MDGA2: variants seen among roughly 807,000 people sequenced by gnomAD.
MDGA2 encodes the protein MAM domain containing glycosylphosphatidylinositol anchor 2.
MDGA2 carries 40 observed loss-of-function variants against 117.8 expected under a neutral mutation model. The ratio of observed to expected loss-of-function variants is 0.34; its 90% CI spans 0.26 to 0.44. The LOEUF is 0.44. MDGA2 is among the 20% of genes least tolerant of loss of function. The probability of loss-of-function intolerance (pLI) is 1.00; values close to 1 mark genes in which losing one functional copy is unlikely to be tolerated. For missense variants in MDGA2, 1,123 were observed against 1,250.6 expected, an observed-to-expected ratio of 0.90 and a Z score of 1.54; for synonymous variants, 452 against 439.0, an observed-to-expected ratio of 1.03 and a Z score of -0.37.
intron 16 of MDGA2, among the ~76,000 whole-genome samples, chr14:46,844,692 T>C (rs1880753113): frequency 1.3e-5 from 2 of 152,092 alleles, no homozygotes; most frequent in South Asian, 4.1e-4. Flanking sequence ...ACAAGTCTCA[T>C]CTTGAAATAT....
At chr14:47,183,937 GTCTC>G (rs1407831193) in intron 3 of MDGA2, among the ~76,000 whole-genome samples, 2 of 151,836 alleles carry the variant, frequency 1.3e-5, no homozygotes, top group Non-Finnish European at 2.9e-5. Context: ...AGTTCTTGAG[GTCTC>G]AACTTAGACA....
chr14:47,304,727 G>T (rs1277110130), intron 1 of MDGA2, among the ~76,000 whole-genome samples: 1 of 152,186 alleles, frequency 6.6e-6, no homozygotes, highest in East Asian at 1.9e-4. Context: ...CGCTGTGCAT[G>T]GGTGGCATTT....
At chr14:46,981,892 G>T (rs1326544143) in intron 8 of MDGA2, among the ~76,000 whole-genome samples, 2 of 152,178 alleles carry the variant, frequency 1.3e-5, no homozygotes, top group African/African-American at 4.8e-5. Context: ...CCACAGAGGT[G>T]AATGATTCTA....
intron 2 of MDGA2, among the ~76,000 whole-genome samples, chr14:47,300,985 C>T (rs903283189): frequency 6.6e-6 from 1 of 152,032 alleles, no homozygotes; most frequent in South Asian, 2.1e-4. Flanking sequence ...GTATGTGTGA[C>T]CTCATGCTTC....
chr14:47,032,167 T>C (rs186876950), intron 8 of MDGA2, among the ~76,000 whole-genome samples: 1 of 152,058 alleles, frequency 6.6e-6, no homozygotes, highest in African/African-American at 2.4e-5. Context: ...AAAATATATA[T>C]AGAGAGGTAT....
chr14:46,989,335 G>GAA (rs1886993239), intron 8 of MDGA2, among the ~76,000 whole-genome samples: 3 of 151,816 alleles, frequency 2.0e-5, no homozygotes, highest in Admixed American at 6.6e-5. Context: ...AAAAAAAAGG[G>GAA]GGGTATCCTT....
At chr14:47,568,622 G>C (rs924813008) in intron 1 of MDGA2, among the ~76,000 whole-genome samples, 1 of 152,100 alleles carries the variant, frequency 6.6e-6, no homozygotes, top group African/African-American at 2.4e-5. Flanking sequence ...ATTTTCTAAG[G>C]AGAATAAAGT....
chr14:46,909,969 G>C (rs1883636492), intron 10 of MDGA2, among the ~76,000 whole-genome samples: 1 of 151,958 alleles, frequency 6.6e-6, no homozygotes, highest in Admixed American at 6.6e-5. Context: ...TTCCTATTTT[G>C]TTTATAAATG....
chr14:47,547,558 A>G (rs576907828), intron 1 of MDGA2, among the ~76,000 whole-genome samples: 11 of 152,356 alleles, frequency 7.2e-5, no homozygotes, highest in African/African-American at 2.4e-4. Flanking sequence ...TAAGGGTGAC[A>G]GTCAGAGAAA....
intron 1 of MDGA2, among the ~76,000 whole-genome samples, chr14:47,442,439 T>C (rs1334968803): frequency 1.3e-5 from 2 of 152,062 alleles, no homozygotes; most frequent in African/African-American, 4.8e-5. Flanking sequence ...GGGATGCACA[T>C]GACCTGGTCA....
chr14:46,896,876 C>G (rs1292856492), intron 10 of MDGA2, among the ~76,000 whole-genome samples: 1 of 152,150 alleles, frequency 6.6e-6, no homozygotes, highest in South Asian at 2.1e-4. Flanking sequence ...TATTTCTGAG[C>G]ATCCCTCCAA....
intron 8 of MDGA2, among the ~76,000 whole-genome samples, chr14:47,007,373 G>C (rs1237536477): frequency 6.6e-6 from 1 of 151,726 alleles, no homozygotes; most frequent in Non-Finnish European, 1.5e-5. Context: ...TTCATGTTGG[G>C]TGTCCACCAT....
intron 2 of MDGA2, among the ~76,000 whole-genome samples, chr14:47,264,445 A>G (rs1161828459): frequency 6.6e-6 from 1 of 152,168 alleles, no homozygotes; most frequent in East Asian, 1.9e-4. Context: ...GGCATTACTC[A>G]AAAAGGATAC....
intron 1 of MDGA2, among the ~76,000 whole-genome samples, chr14:47,421,613 T>C (rs2002293): frequency 6.6e-6 from 1 of 151,878 alleles, no homozygotes; most frequent in Non-Finnish European, 1.5e-5. Flanking sequence ...TTGTATAATG[T>C]TGCATAAATA....
chr14:46,870,617 C>T (rs1267015758), intron 14 of MDGA2, among the ~76,000 whole-genome samples: 1 of 151,806 alleles, frequency 6.6e-6, no homozygotes, highest in African/African-American at 2.4e-5. Flanking sequence ...AGTAATAGAC[C>T]TGATACCCAG....
intron 1 of MDGA2, among the ~76,000 whole-genome samples, chr14:47,557,523 G>T (rs575876251): frequency 6.6e-6 from 1 of 152,176 alleles, no homozygotes; most frequent in Non-Finnish European, 1.5e-5. Context: ...AAGAACCAGA[G>T]AAAGTGAGAG....
chr14:46,918,638 G>A (rs965590039), intron 10 of MDGA2, among the ~76,000 whole-genome samples: 2 of 152,008 alleles, frequency 1.3e-5, no homozygotes, highest in African/African-American at 4.8e-5. Flanking sequence ...TCGGTAGCCT[G>A]TGTGCACTTA....
chr14:47,586,457 A>G (rs1370988988), intron 1 of MDGA2, among the ~76,000 whole-genome samples: 1 of 151,936 alleles, frequency 6.6e-6, no homozygotes, highest in African/African-American at 2.4e-5. Flanking sequence ...TAGAAAGCTT[A>G]GAATAAAATA....
chr14:47,110,562 T>C lies in MDGA2; in HGVS notation c.926-13439A>G, dbSNP rs551101184. Among the ~76,000 whole-genome samples, 55 of 152,324 alleles carry C rather than the reference T, an allele frequency of 3.6e-4. 1 individual carries two copies. The highest frequency in any genetic ancestry group is 8.5e-4 in the Admixed American group (13 of 15,302). On this transcript the variant is annotated intron_variant, in intron 5 of 16. Transcript: ENST00000399232. Reference sequence around the variant, plus strand: ...TTTTCATAATCCATTCTGGGGACACTTTATCACAGTGTAATATTTTGAACA... The same window carrying C: ...TTTTCATAATCCATTCTGGGGACACCTTATCACAGTGTAATATTTTGAACA...
Sources: gnomAD v4.1 joint callset for allele counts (sites outside exome capture counted in the v4.1 genomes callset) on GRCh38, gnomAD v4.1.1 for gene constraint, MANE v1.5 for transcripts, NCBI Gene and HGNC (gene_info 2026-07-23, HGNC 2026-07-21) for gene names.